APELA: variants seen among roughly 807,000 people sequenced by gnomAD.
APELA encodes the protein protein Elabela.
In APELA at chr4:164,895,932, T is replaced by C. The variant is rs1263336514; in HGVS notation, c.*518T>C. 6.6e-6 allele frequency: 1 copy of C among 152,232 alleles called. No homozygotes were observed. The highest frequency in any genetic ancestry group is 1.9e-4 in the East Asian group (1 of 5,198). 9.4% of individuals were successfully genotyped at this position (152,232 alleles called of 1,614,324 possible). A position where few individuals can be genotyped will look rare whatever the true frequency, so the allele number is the denominator to read the frequency against. On this transcript the variant is annotated 3_prime_UTR_variant, in exon 3 of 3. Transcript: ENST00000507152. Reference sequence around the variant, plus strand: ...GAAAATAATTGGTTCATTGATTATATAGAGAGAAAGACTAAGAAAAGCTAT... The same window carrying C: ...GAAAATAATTGGTTCATTGATTATACAGAGAGAAAGACTAAGAAAAGCTAT...
chr4:164,878,505 A>G (rs1730600347), intron 1 of APELA, among the ~76,000 whole-genome samples: 1 of 152,254 alleles, frequency 6.6e-6, no homozygotes, highest in African/African-American at 2.4e-5. Context: ...ATCCCTTCTC[A>G]TTGTTTACAG....
At chr4:164,897,810 T>C (rs1459238576), downstream of APELA, among the ~76,000 whole-genome samples, 1 of 152,220 alleles carries the variant, frequency 6.6e-6, no homozygotes, top group Non-Finnish European at 1.5e-5. Context: ...AGCTATCTTT[T>C]ATTCACCGGG....
intron 2 of APELA, 135 bp downstream of exon 2, chr4:164,879,144 ATAAATGAAAGAGT>A: frequency 2.5e-6 from 1 of 395,676 alleles, no homozygotes; most frequent in Non-Finnish European, 4.5e-6. Context: ...ATGCATACCA[ATAAATGAAAGAGT>A]TAAATGAATG....
At chr4:164,885,235 A>G (rs1372860408) in intron 2 of APELA, among the ~76,000 whole-genome samples, 1 of 151,988 alleles carries the variant, frequency 6.6e-6, no homozygotes, top group Non-Finnish European at 1.5e-5. Flanking sequence ...GGCTCAAGCA[A>G]TTCTCCTGCC....
chr4:164,885,368 T>C (rs979334016), intron 2 of APELA, among the ~76,000 whole-genome samples: 6 of 151,966 alleles, frequency 3.9e-5, no homozygotes, highest in African/African-American at 1.4e-4. Flanking sequence ...TGACTTCAAG[T>C]GATCTGCCCC....
intron 2 of APELA, among the ~76,000 whole-genome samples, chr4:164,882,075 A>T (rs1250184548): frequency 6.6e-6 from 1 of 151,994 alleles, no homozygotes; most frequent in Non-Finnish European, 1.5e-5. Flanking sequence ...TACTCCGTCA[A>T]TACATACTCT....
At chr4:164,884,191 CA>C (rs1730724349) in intron 2 of APELA, among the ~76,000 whole-genome samples, 2 of 147,560 alleles carry the variant, frequency 1.4e-5, no homozygotes, top group Admixed American at 1.3e-4. Context: ...AAGAAAGAAA[CA>C]AAGAGAGAGG....
intron 2 of APELA, among the ~76,000 whole-genome samples, chr4:164,881,872 C>CA (rs11340116): frequency 3.1e-4 from 44 of 139,804 alleles, no homozygotes; most frequent in East Asian, 8.7e-4. Context: ...TTGTCTCTAC[C>CA]AAAAAAAAAA....
downstream of APELA, among the ~76,000 whole-genome samples, chr4:164,898,002 T>C (rs1351404566): frequency 6.6e-6 from 1 of 152,088 alleles, no homozygotes; most frequent in Non-Finnish European, 1.5e-5. Context: ...GCGATTCTGG[T>C]GCTTCAGCCT....
At chr4:164,880,874 A>G (rs2111050291) in intron 2 of APELA, among the ~76,000 whole-genome samples, 1 of 152,330 alleles carries the variant, frequency 6.6e-6, no homozygotes, top group Admixed American at 6.5e-5. Context: ...TATGCAAACT[A>G]CTTAATAATA....
chr4:164,890,056 A>G (rs1277294030), intron 2 of APELA, among the ~76,000 whole-genome samples: 1 of 152,166 alleles, frequency 6.6e-6, no homozygotes, highest in Admixed American at 6.5e-5. Context: ...ATTTCACTGT[A>G]TGGATAGCCT....
At chr4:164,893,539 CT>C (rs1730918897) in intron 2 of APELA, among the ~76,000 whole-genome samples, 2 of 152,038 alleles carry the variant, frequency 1.3e-5, no homozygotes, top group South Asian at 4.1e-4. Flanking sequence ...TCAGTTGACC[CT>C]TTTAGCATTA....
At position 164,882,618 on chromosome 4, in the gene APELA, A is replaced by G. The variant is rs186549058; in HGVS notation, c.*1+3609A>G. 1.1e-4 allele frequency among the ~76,000 whole-genome samples: 17 copies of G among 152,000 alleles called. No homozygotes were observed. The East Asian group carries it at 3.3e-3, about 29-fold the overall frequency. ...TATTAATTTCATTATTATTATACTT[A>G]AAGTTTTAGGGTACATGTGCACAAC... is the stretch of plus-strand genomic sequence containing the variant. On this transcript the variant is annotated intron_variant, in intron 2 of 2. Transcript: ENST00000507152.
intron 2 of APELA, among the ~76,000 whole-genome samples, chr4:164,890,519 G>C (rs1730859538): frequency 6.6e-6 from 1 of 152,106 alleles, no homozygotes; most frequent in African/African-American, 2.4e-5. Context: ...TTTGTAATTA[G>C]CTTTTTTCAC....
intron 2 of APELA, among the ~76,000 whole-genome samples, chr4:164,885,434 T>A (rs1730752114): frequency 6.6e-6 from 1 of 150,794 alleles, no homozygotes; most frequent in Non-Finnish European, 1.5e-5. Flanking sequence ...CCCAGCCTCA[T>A]AATGTTGCTA....
intron 2 of APELA, among the ~76,000 whole-genome samples, chr4:164,887,459 A>C (rs1273587651): frequency 6.6e-6 from 1 of 152,074 alleles, no homozygotes; most frequent in Non-Finnish European, 1.5e-5. Context: ...CTATATCCTA[A>C]AACAAAAAAA....
intron 2 of APELA, among the ~76,000 whole-genome samples, chr4:164,881,962 T>G (rs1730661672): frequency 6.6e-6 from 1 of 152,078 alleles, no homozygotes; most frequent in African/African-American, 2.4e-5. Flanking sequence ...GAGGATCATT[T>G]GAGCCCAGGA....
chr4:164,886,849 C>T (rs113872793), intron 2 of APELA, among the ~76,000 whole-genome samples: 14,537 of 150,684 alleles, frequency 0.096, 730 homozygotes, highest in Middle Eastern at 0.14. Context: ...GGACAGAGTT[C>T]CACTCTTGTT....
chr4:164,884,147 G>T (rs543868847), intron 2 of APELA, among the ~76,000 whole-genome samples: 1 of 146,026 alleles, frequency 6.8e-6, no homozygotes, highest in Non-Finnish European at 1.5e-5. Flanking sequence ...AAGAAAGAAA[G>T]AAAGAAAGAA....
Sources: gnomAD v4.1 joint callset for allele counts (sites outside exome capture counted in the v4.1 genomes callset) on GRCh38, gnomAD v4.1.1 for gene constraint, MANE v1.5 for transcripts, NCBI Gene and HGNC (gene_info 2026-07-23, HGNC 2026-07-21) for gene names.